CERS6: variants seen among roughly 807,000 people sequenced by gnomAD.
CERS6 encodes the protein LAG1 homolog, ceramide synthase 6.
CERS6 carries 26 observed loss-of-function variants against 56.8 expected under a neutral mutation model. The observed-to-expected ratio is 0.46, with a 90% confidence interval of 0.34 to 0.63. The LOEUF (loss-of-function observed/expected upper bound fraction) is 0.63. Ranked by LOEUF, CERS6 falls within the 30% of genes least tolerant of loss-of-function variation. The pLI is 0.01. For synonymous variants in CERS6, 164 were observed against 173.3 expected (o/e 0.95, Z 0.42); for missense variants, 415 against 467.5 (o/e 0.89, Z 1.04).
At chr2:168,623,831 C>G (rs1470997306) in intron 3 of CERS6, among the ~76,000 whole-genome samples, 1 of 152,134 alleles carries the variant, frequency 6.6e-6, no homozygotes. Flanking sequence ...ACTTTAAGGT[C>G]ACAGGACCCC....
At chr2:168,712,986 A>G (rs1314832541) in intron 6 of CERS6, among the ~76,000 whole-genome samples, 1 of 151,970 alleles carries the variant, frequency 6.6e-6, no homozygotes, top group East Asian at 1.9e-4. Context: ...TTTCCCCCAT[A>G]GCACATTTTT....
intron 3 of CERS6, among the ~76,000 whole-genome samples, chr2:168,623,653 C>T (rs1684525018): frequency 6.6e-6 from 1 of 152,244 alleles, no homozygotes; most frequent in South Asian, 2.1e-4. Flanking sequence ...CACCAATCTA[C>T]CTAAACAAAC....
At chr2:168,759,183 A>G (rs1268188186) in intron 8 of CERS6, among the ~76,000 whole-genome samples, 2 of 152,204 alleles carry the variant, frequency 1.3e-5, no homozygotes, top group East Asian at 3.9e-4. Context: ...TGCATGGAGC[A>G]CAGCTTTGCC....
At chr2:168,757,374 A>C (rs946681058) in intron 8 of CERS6, among the ~76,000 whole-genome samples, 2 of 151,540 alleles carry the variant, frequency 1.3e-5, no homozygotes, top group Admixed American at 6.6e-5. Context: ...AAAAAAAAAA[A>C]CATCTGCCCC....
At chr2:168,491,166 T>C (rs1427766403) in intron 1 of CERS6, among the ~76,000 whole-genome samples, 1 of 152,198 alleles carries the variant, frequency 6.6e-6, no homozygotes, top group Admixed American at 6.5e-5. Context: ...ATTGTCAGCT[T>C]CTCTTTCCAA....
chr2:168,758,318 A>C (rs1348333257), intron 8 of CERS6, among the ~76,000 whole-genome samples: 1 of 152,234 alleles, frequency 6.6e-6, no homozygotes, highest in Non-Finnish European at 1.5e-5. Context: ...TTACTTTTCA[A>C]GGTATCGTCA....
intron 2 of CERS6, among the ~76,000 whole-genome samples, chr2:168,556,990 A>AC (rs1340429263): frequency 1.9e-5 from 1 of 52,458 alleles, no homozygotes; most frequent in Non-Finnish European, 3.3e-5. Context: ...CCTTGTCTCT[A>AC]CAAAAAAAAA....
chr2:168,676,606 C>A (rs958509676), intron 4 of CERS6, among the ~76,000 whole-genome samples: 4 of 152,172 alleles, frequency 2.6e-5, no homozygotes, highest in Non-Finnish European at 5.9e-5. Flanking sequence ...AGACTCTGTC[C>A]ATTTTTGAGA....
At chr2:168,536,937 A>G (rs1041135410) in intron 1 of CERS6, among the ~76,000 whole-genome samples, 4 of 150,498 alleles carry the variant, frequency 2.7e-5, no homozygotes, top group Non-Finnish European at 1.5e-5. Context: ...TAGAATTTTG[A>G]TGGGCAATAA....
At chr2:168,474,426 A>C (rs1694031478) in intron 1 of CERS6, among the ~76,000 whole-genome samples, 1 of 152,236 alleles carries the variant, frequency 6.6e-6, no homozygotes, top group South Asian at 2.1e-4. Context: ...CCTTTCAAGA[A>C]AAATTATACC....
At chr2:168,738,975 T>A (rs961037692) in intron 8 of CERS6, among the ~76,000 whole-genome samples, 8 of 149,778 alleles carry the variant, frequency 5.3e-5, no homozygotes, top group Admixed American at 6.7e-5. Flanking sequence ...AACCTCCACC[T>A]CCCGGCTTCA....
At position 168,462,845 on chromosome 2, in the gene CERS6, T is replaced by TG. The variant is rs769700148; in HGVS notation, c.170+6228dup. Among the ~76,000 whole-genome samples the TG allele has an allele frequency of 2.6e-4, 40 of 152,348 alleles. 1 individual carries two copies. The South Asian group carries it at 4.1e-3, about 16-fold the overall frequency. On this transcript the variant is annotated intron_variant, in intron 1 of 9. Coordinates refer to ENST00000305747, the MANE Select transcript of CERS6 (RefSeq NM_203463.3). ...CACTGCAGCTGGTCAGGGTGATTCT[T>TG]GCAATGTCTTTTTGGGGTTTCTTGT... is the stretch of plus-strand genomic sequence containing the variant.
rs187583724 is a variant in CERS6, at chr2:168,560,513, G to A, written c.277-679G>A. On this transcript the variant is annotated intron_variant, in intron 2 of 9. Coordinates refer to ENST00000305747, the MANE Select transcript of CERS6 (RefSeq NM_203463.3). ...TATCATTTCAGGGCCATCTCTTGCC[G>A]CTTCACCAAGTGTACTTTTTTCAAG... 5.6e-4 allele frequency among the ~76,000 whole-genome samples: 86 copies of A among 152,264 alleles called. 2 individuals carry two copies. In the East Asian group the frequency reaches 0.015, roughly 26 times the overall value.
intron 4 of CERS6, among the ~76,000 whole-genome samples, chr2:168,642,834 A>G (rs1418135800): frequency 6.6e-6 from 1 of 152,250 alleles, no homozygotes; most frequent in East Asian, 1.9e-4. Flanking sequence ...TGAAAACAGC[A>G]TAAGAAATGT....
Position 168,456,335 on chromosome 2 carries a change from A to AGCG in CERS6, c.-102_-100dup, listed in dbSNP as rs1268244932. On this transcript the variant is annotated 5_prime_UTR_variant, in exon 1 of 10. Coordinates refer to ENST00000305747, the MANE Select transcript of CERS6 (RefSeq NM_203463.3). This position sits in a 1 kb window ranked among gnomAD's most constrained non-coding sequence, Gnocchi z 4.1. ...GGAGGCGGCGGCGGCGGGCGGGAGC[A>AGCG]GCGGCGGCGGCGGCACAGGCTCGGG... 1.6e-4 allele frequency: 96 copies of AGCG among 595,312 alleles called. No homozygotes were observed. Among genetic ancestry groups the AGCG allele is most frequent in the African/African-American group, 1.4e-3 (70 of 50,164 alleles). 36.9% of individuals were successfully genotyped at this position (595,312 alleles called of 1,614,324 possible).
At chr2:168,636,582 T>C (rs911730981) in intron 4 of CERS6, among the ~76,000 whole-genome samples, 3 of 152,164 alleles carry the variant, frequency 2.0e-5, no homozygotes, top group African/African-American at 7.2e-5. Flanking sequence ...AAAAATACTG[T>C]TCTGTTGCTG....
chr2:168,614,703 G>A (rs1684273551), intron 3 of CERS6, among the ~76,000 whole-genome samples: 11 of 152,078 alleles, frequency 7.2e-5, no homozygotes, highest in Admixed American at 7.2e-4. Context: ...ATCCCCCATA[G>A]CAGCTGCAGC....
intron 1 of CERS6, among the ~76,000 whole-genome samples, chr2:168,510,169 T>TA (rs1344587725): frequency 1.3e-4 from 19 of 151,826 alleles, no homozygotes; most frequent in Non-Finnish European, 2.4e-4. Flanking sequence ...CCCATGTATT[T>TA]AAAAAAAAGC....
intron 3 of CERS6, among the ~76,000 whole-genome samples, chr2:168,598,932 A>T (rs909742246): frequency 2.0e-5 from 3 of 152,228 alleles, no homozygotes; most frequent in African/African-American, 7.2e-5. Flanking sequence ...CTAGCAAGAG[A>T]AACACATGTC....
Sources: gnomAD v4.1 joint callset for allele counts (sites outside exome capture counted in the v4.1 genomes callset) on GRCh38, gnomAD v4.1.1 for gene constraint, Gnocchi (gnomAD v3.1) non-coding constraint, MANE v1.5 for transcripts, NCBI Gene and HGNC (gene_info 2026-07-23, HGNC 2026-07-21) for gene names.